The following TOR1AIP2 variants were observed in gnomAD, a reference collection of about 807,000 sequenced individuals.
TOR1AIP2 encodes torsin 1A interacting protein 2.
A neutral mutation model predicts 32.6 loss-of-function variants in TOR1AIP2; 20 were observed. That is an observed-to-expected ratio of 0.61 (90% CI 0.43 to 0.89). The LOEUF (loss-of-function observed/expected upper bound fraction) is 0.89, where lower values mean the gene tolerates loss of function less well. Ranked by LOEUF, TOR1AIP2 falls within the 40% of genes least tolerant of loss-of-function variation. The pLI is 0.00. For synonymous variants in TOR1AIP2, 214 were observed against 210.8 expected (o/e 1.02, Z -0.13); for missense variants, 456 against 553.8 (o/e 0.82, Z 1.77).
At chr1:179,864,146 G>C (rs1174470036) in intron 3 of TOR1AIP2, 1 of 985,356 alleles carries the variant, frequency 1.0e-6, no homozygotes, top group African/African-American at 1.7e-5. Context: ...ACCTATATAG[G>C]TGTTTCCTAA....
intron 3 of TOR1AIP2, chr1:179,862,595 T>G (rs1696586103): frequency 1.0e-6 from 1 of 985,318 alleles, no homozygotes; most frequent in East Asian, 1.1e-4. Flanking sequence ...GTATGATTTG[T>G]TGCACACCAA....
At chr1:179,865,378 G>A in intron 3 of TOR1AIP2, 58 bp downstream of exon 3, 2 of 614,112 alleles carry the variant, frequency 3.3e-6, no homozygotes, top group Non-Finnish European at 5.6e-6. Context: ...TCACTCAATT[G>A]CAACTCAGTC....
At chr1:179,859,314 G>A in intron 3 of TOR1AIP2, 1 of 843,016 alleles carries the variant, frequency 1.2e-6, no homozygotes, top group Non-Finnish European at 1.4e-6. Context: ...TACTATTTTA[G>A]AGATGAGGAA....
At chr1:179,849,599 T>C (rs1696040916) in intron 5 of TOR1AIP2, among the ~76,000 whole-genome samples, 1 of 152,094 alleles carries the variant, frequency 6.6e-6, no homozygotes. Flanking sequence ...TTTTAAGAGA[T>C]GGGATCTCAC....
rs1695672101 is a variant in TOR1AIP2, at chr1:179,839,981, A to T, written c.*6090T>A. ...AATCAGTCCGCTGAAAAAAATTCAG[A>T]TTTATTCTTTATTCTGGTAATGGCC... On this transcript the variant is annotated 3_prime_UTR_variant, in exon 7 of 7. Coordinates refer to ENST00000609928, the MANE Select transcript of TOR1AIP2 (RefSeq NM_001199260.2). The T allele has an allele frequency of 6.6e-6, 1 of 152,214 alleles. No individual in the cohort carries two copies. The highest frequency in any genetic ancestry group is 1.5e-5 in the Non-Finnish European group (1 of 68,030). The allele number at this position is 152,214 out of a possible 1,614,324, so 9.4% of individuals were successfully genotyped here. A position where few individuals can be genotyped will look rare whatever the true frequency, so the allele number is the denominator to read the frequency against.
intron 3 of TOR1AIP2, among the ~76,000 whole-genome samples, chr1:179,858,160 A>G (rs995351286): frequency 1.1e-4 from 17 of 152,004 alleles, no homozygotes; most frequent in Non-Finnish European, 2.2e-4. Flanking sequence ...AAAAAAACAA[A>G]CAAAATAAAT....
intron 2 of TOR1AIP2, chr1:179,867,397 T>C (rs1456620639): frequency 6.6e-6 from 1 of 152,174 alleles, no homozygotes; most frequent in Non-Finnish European, 1.5e-5. Context: ...CATAATAGAT[T>C]TCCCTGAGGG....
At chr1:179,860,971 GATGA>G (rs1696507447) in intron 3 of TOR1AIP2, 1 of 985,390 alleles carries the variant, frequency 1.0e-6, no homozygotes, top group South Asian at 4.7e-5. Context: ...GTAACTCAGA[GATGA>G]ATCTTACCTC....
rs1373745238 is a variant in TOR1AIP2 at position 179,841,633 on chromosome 1, A to T, written c.*4438T>A. 6.6e-6 allele frequency: 1 copy of T among 152,206 alleles called. No individual in the cohort carries two copies. 9.4% of individuals were successfully genotyped at this position (152,206 alleles called of 1,614,324 possible). A position where few individuals can be genotyped will look rare whatever the true frequency, so the allele number is the denominator to read the frequency against. Reference sequence around the variant, plus strand: ...CCTGTCTTTAAAACAAAAAGAAAGTACTTCTCTGCAAGTAAATTTTATGGA... The same window carrying T: ...CCTGTCTTTAAAACAAAAAGAAAGTTCTTCTCTGCAAGTAAATTTTATGGA... On this transcript the variant is annotated 3_prime_UTR_variant, in exon 7 of 7. Coordinates refer to ENST00000609928, the MANE Select transcript of TOR1AIP2 (RefSeq NM_001199260.2).
At chr1:179,848,686 C>T (rs914590321) in intron 5 of TOR1AIP2, among the ~76,000 whole-genome samples, 3 of 152,150 alleles carry the variant, frequency 2.0e-5, no homozygotes, top group Admixed American at 6.5e-5. Context: ...AGGATTGTTC[C>T]TATCACCCCA....
chr1:179,867,808 C>A (rs1432829890), intron 2 of TOR1AIP2: 1 of 152,222 alleles, frequency 6.6e-6, no homozygotes, highest in Non-Finnish European at 1.5e-5. Context: ...CAAACAAGCA[C>A]TAGAATTCCA....
Position 179,865,532 on chromosome 1 carries a change from T to A in TOR1AIP2, c.-243A>T, listed in dbSNP as rs80001690. 0.018 allele frequency: 3,380 copies of A among 188,170 alleles called. 137 individuals are homozygous for A. Among genetic ancestry groups the A allele is most frequent in the African/African-American group, 0.075 (3,195 of 42,662 alleles). The allele number at this position is 188,170 out of a possible 1,614,324, so 11.7% of individuals were successfully genotyped here. On this transcript the variant is annotated 5_prime_UTR_variant, in exon 3 of 7. It removes an upstream start codon present in the reference 5' UTR. Transcript: ENST00000609928. The stretch of plus-strand genomic sequence containing the variant: ...TTAGTTATATTTTTCTTATGCGTCA[T>A]CAGCTGCTGGTGGTGTCACACAGAG...
At chr1:179,868,795 A>G (rs1209098024) in intron 2 of TOR1AIP2, 1 of 152,162 alleles carries the variant, frequency 6.6e-6, no homozygotes, top group Non-Finnish European at 1.5e-5. Context: ...TCTTATATAA[A>G]CTTTCCACTT....
At chr1:179,856,056 A>T (rs1696290943) in intron 3 of TOR1AIP2, among the ~76,000 whole-genome samples, 1 of 151,898 alleles carries the variant, frequency 6.6e-6, no homozygotes, top group Non-Finnish European at 1.5e-5. Context: ...GGTGGTGCAT[A>T]CCTGTAGTCC....
At chr1:179,877,602 G>A (rs1411489492) in intron 1 of TOR1AIP2, 91 bp downstream of exon 1, 1 of 151,766 alleles carries the variant, frequency 6.6e-6, no homozygotes, top group Non-Finnish European at 1.5e-5. Context: ...GGGTGGGGAG[G>A]GACCGTTTCT....
intron 2 of TOR1AIP2, chr1:179,875,654 C>T (rs933828562): frequency 6.6e-6 from 1 of 151,886 alleles, no homozygotes; most frequent in Admixed American, 6.6e-5. Flanking sequence ...GGTGAATTTT[C>T]TTCCCAGAAA....
intron 3 of TOR1AIP2, chr1:179,864,425 T>G (rs1440321257): frequency 1.0e-6 from 1 of 1,002,580 alleles, no homozygotes; most frequent in East Asian, 1.0e-4. Flanking sequence ...AATACCACTA[T>G]GAAGCACACA....
rs1055351769 is a variant in TOR1AIP2 at position 179,860,455 on chromosome 1, C to T, written c.-147+4981G>A. On this transcript the variant is annotated intron_variant, in intron 3 of 6. Coordinates refer to ENST00000609928, the MANE Select transcript of TOR1AIP2 (RefSeq NM_001199260.2). ...CATGATGGCGCCACTGCACTCCAGC[C>T]TAGGTGACAGAACGAGACTCTGTCT... 4.1e-6 allele frequency: 4 copies of T among 984,962 alleles called. No homozygotes were observed. The Admixed American group carries it at 2.5e-4, about 61-fold the overall frequency. The allele number at this position is 984,962 out of a possible 1,614,324, so 61.0% of individuals were successfully genotyped here.
In TOR1AIP2 at chr1:179,846,242, C is replaced by A. The variant is rs369310432; in HGVS notation, c.1242G>T (p.Thr414=). 3.7e-6 allele frequency: 6 copies of A among 1,614,134 alleles called. No homozygotes were observed. Among genetic ancestry groups the A allele is most frequent in the Non-Finnish European group, 5.1e-6 (6 of 1,180,030 alleles). The change falls in exon 7 of 7, where the codon ACG becomes ACT. Residue 414 remains threonine (T), a synonymous_variant. Coordinates refer to ENST00000609928, the MANE Select transcript of TOR1AIP2 (RefSeq NM_001199260.2). ...AGAGTAAGTCTCTCACTTTTTCTTC[C>A]GTTTCCCTTGGGCCTACACTTGCTT... ...TLEASVGPRE[T]EEKVRDLLWA...
Sources: allele counts gnomAD v4.1 joint callset (sites outside exome capture counted in the v4.1 genomes callset), GRCh38; gene constraint gnomAD v4.1.1; transcripts MANE v1.5; gene names NCBI Gene and HGNC (gene_info 2026-07-23, HGNC 2026-07-21).